The following TMEM135 variants were observed in gnomAD, a reference collection of about 807,000 sequenced individuals.
The protein encoded by TMEM135 is transmembrane protein 135.
TMEM135 carries 30 observed loss-of-function variants against 60.3 expected under a neutral mutation model. The observed-to-expected ratio is 0.50, with a 90% CI of 0.37 to 0.68. TMEM135 has a LOEUF of 0.68. Ranked by LOEUF, TMEM135 falls within the 30% of genes least tolerant of loss-of-function variation. The probability of loss-of-function intolerance (pLI) is 0.00; values close to 1 mark genes in which losing one functional copy is unlikely to be tolerated. For missense variants in TMEM135, 468 were observed against 548.8 expected (o/e 0.85, Z 1.47); for synonymous variants, 190 against 186.7 (o/e 1.02, Z -0.14).
At chr11:87,245,115 A>C (rs1195937177) in intron 6 of TMEM135, among the ~76,000 whole-genome samples, 2 of 137,052 alleles carry the variant, frequency 1.5e-5, no homozygotes, top group African/African-American at 5.5e-5. Context: ...TGTACTCAGT[A>C]GTCATTCAGG....
At chr11:87,227,326 T>G (rs2135363202) in intron 5 of TMEM135, among the ~76,000 whole-genome samples, 1 of 152,156 alleles carries the variant, frequency 6.6e-6, no homozygotes, top group Admixed American at 6.6e-5. Flanking sequence ...TCTTAGGGAT[T>G]AATGTAACTT....
chr11:87,275,320 A>G lies in TMEM135; in HGVS notation c.510-20462A>G, dbSNP rs1015837447. ...GCAGAAAAAGGCATGGCATGAAGTCAAAAGTAAATTCCTATACTTAAGTGC... is the reference window on the plus strand; with the variant it reads ...GCAGAAAAAGGCATGGCATGAAGTCGAAAGTAAATTCCTATACTTAAGTGC... On this transcript the variant is annotated intron_variant, in intron 6 of 14. Transcript: ENST00000305494. 2.0e-5 allele frequency among the ~76,000 whole-genome samples: 3 copies of G among 152,286 alleles called. No homozygotes were observed. In the South Asian group the frequency reaches 6.2e-4, roughly 32 times the overall value.
intron 4 of TMEM135, among the ~76,000 whole-genome samples, chr11:87,156,745 A>G (rs957852616): frequency 5.9e-5 from 9 of 152,218 alleles, no homozygotes; most frequent in African/African-American, 1.7e-4. Flanking sequence ...TCTCTATATT[A>G]GTAGCAGATA....
chr11:87,138,460 GT>G (rs1185462648), intron 4 of TMEM135, among the ~76,000 whole-genome samples: 1 of 151,976 alleles, frequency 6.6e-6, no homozygotes, highest in Non-Finnish European at 1.5e-5. Flanking sequence ...CTTTAATGTA[GT>G]TAAGGAAATA....
At chr11:87,214,751 TAG>T (rs1216713713) in intron 5 of TMEM135, among the ~76,000 whole-genome samples, 2 of 152,268 alleles carry the variant, frequency 1.3e-5, no homozygotes, top group East Asian at 3.9e-4. Context: ...TTGACTTATG[TAG>T]AGTTTTTGCT....
chr11:87,060,038 G>A (rs117622533), intron 1 of TMEM135, among the ~76,000 whole-genome samples: 3,078 of 152,220 alleles, frequency 0.02, 35 homozygotes, highest in Non-Finnish European at 0.028. Flanking sequence ...CGCTTGAACC[G>A]GGAGGTGTAG....
intron 5 of TMEM135, among the ~76,000 whole-genome samples, chr11:87,192,920 G>C (rs1939847358): frequency 6.6e-6 from 1 of 152,100 alleles, no homozygotes; most frequent in Non-Finnish European, 1.5e-5. Context: ...TTCAAGGCCA[G>C]CCTGGCCAAC....
At chr11:87,237,591 G>T (rs1404051535) in intron 6 of TMEM135, among the ~76,000 whole-genome samples, 2 of 151,922 alleles carry the variant, frequency 1.3e-5, no homozygotes, top group East Asian at 1.9e-4. Flanking sequence ...TTTAATTTTT[G>T]TGGGGACATA....
chr11:87,184,053 T>C (rs1366142001), intron 5 of TMEM135, among the ~76,000 whole-genome samples: 1 of 151,682 alleles, frequency 6.6e-6, no homozygotes, highest in Non-Finnish European at 1.5e-5. Context: ...CTTAGAAAAA[T>C]TTTGCAATAT....
Position 87,317,206 on chromosome 11 carries a change from T to A in TMEM135, c.1078-931T>A, listed in dbSNP as rs115181812. ...CTGGTTTATTAAATGAATTTTATAA[T>A]AAATAATTAGAAACGCAGTTATTCT... On this transcript the variant is annotated intron_variant, in intron 12 of 14. Transcript: ENST00000305494. Among the ~76,000 whole-genome samples the A allele has an allele frequency of 5.7e-3, 867 of 152,182 alleles. 10 individuals carry two copies. Among genetic ancestry groups the A allele is most frequent in the African/African-American group, 0.02 (816 of 41,560 alleles).
intron 5 of TMEM135, among the ~76,000 whole-genome samples, chr11:87,167,338 C>T (rs750392954): frequency 6.6e-6 from 1 of 152,154 alleles, no homozygotes; most frequent in Non-Finnish European, 1.5e-5. Flanking sequence ...ACTTCCAATA[C>T]TATGTTGAAT....
chr11:87,158,945 CTA>C (rs1287134719), intron 5 of TMEM135, among the ~76,000 whole-genome samples: 1 of 152,016 alleles, frequency 6.6e-6, no homozygotes, highest in Non-Finnish European at 1.5e-5. Flanking sequence ...TTAGTAATTA[CTA>C]TATATTTTTT....
intron 7 of TMEM135, among the ~76,000 whole-genome samples, chr11:87,301,447 T>C (rs1942448164): frequency 6.6e-6 from 1 of 152,084 alleles, no homozygotes; most frequent in Admixed American, 6.6e-5. Flanking sequence ...TAAGGTGGGG[T>C]CTCACTTTGG....
chr11:87,120,739 T>C (rs1858034873), intron 4 of TMEM135, among the ~76,000 whole-genome samples: 1 of 152,118 alleles, frequency 6.6e-6, no homozygotes, highest in South Asian at 2.1e-4. Context: ...GTGCTGGGAT[T>C]ACAAACGGGA....
chr11:87,152,644 G>T (rs930628691), intron 4 of TMEM135, among the ~76,000 whole-genome samples: 1 of 151,528 alleles, frequency 6.6e-6, no homozygotes. Flanking sequence ...TCGCCATGTC[G>T]GTCAGGCTGG....
intron 6 of TMEM135, among the ~76,000 whole-genome samples, chr11:87,280,929 G>A (rs147799751): frequency 1.1e-4 from 17 of 152,190 alleles, no homozygotes; most frequent in African/African-American, 2.2e-4. Context: ...AGCCGTATCC[G>A]CCTTCCTGCC....
chr11:87,038,174 T>C lies in TMEM135; in HGVS notation c.129T>C (p.Ala43=). 1 of 1,614,086 alleles carries C rather than the reference T, an allele frequency of 6.2e-7. No homozygotes were observed. Among genetic ancestry groups the C allele is most frequent in the Non-Finnish European group, 8.5e-7 (1 of 1,180,032 alleles). ...TGGAGGAGTCCCTGAAGATCTATGC[T>C]CCTCTGTACTTGGTGAGACCCGTCA... The part of the protein sequence containing the change: ...GALEESLKIY[A]PLYLIAAILR... The change falls in exon 1 of 15, where the codon GCT becomes GCC. Residue 43 remains alanine, a synonymous_variant. Transcript: ENST00000305494.
intron 6 of TMEM135, among the ~76,000 whole-genome samples, chr11:87,248,742 A>G (rs985268971): frequency 2.0e-5 from 3 of 152,274 alleles, no homozygotes; most frequent in African/African-American, 4.8e-5. Flanking sequence ...CTTATAATCT[A>G]TGAACATGGA....
intron 1 of TMEM135, among the ~76,000 whole-genome samples, chr11:87,045,444 A>C (rs1232125553): frequency 6.6e-6 from 1 of 152,192 alleles, no homozygotes; most frequent in Non-Finnish European, 1.5e-5. Flanking sequence ...GTATTGCAGT[A>C]AACACTTTCT....
Sources: gnomAD v4.1 joint callset for allele counts (sites outside exome capture counted in the v4.1 genomes callset) on GRCh38, gnomAD v4.1.1 for gene constraint, MANE v1.5 for transcripts, NCBI Gene and HGNC (gene_info 2026-07-23, HGNC 2026-07-21) for gene names.